The following LRRFIP2 variants were observed in gnomAD, a reference collection of about 807,000 sequenced individuals.
LRRFIP2 encodes the protein leucine-rich repeat flightless-interacting protein 2.
In LRRFIP2, 109 loss-of-function variants were observed where a neutral mutation model predicts 125.9. That is an observed-to-expected ratio of 0.87 (90% CI 0.74 to 1.01). The LOEUF (loss-of-function observed/expected upper bound fraction) is 1.01, where lower values mean the gene tolerates loss of function less well. Among genes scored for constraint, LRRFIP2 ranks in the 50% least tolerant of loss-of-function variants. The pLI, the probability that LRRFIP2 is intolerant of heterozygous loss-of-function variation, is 0.00. For missense variants in LRRFIP2, 850 were observed against 862.3 expected (o/e 0.99, Z 0.18); for synonymous variants, 291 against 293.1 (o/e 0.99, Z 0.07).
At chr3:37,063,192 A>C (rs2089241983) in intron 24 of LRRFIP2, among the ~76,000 whole-genome samples, 1 of 152,222 alleles carries the variant, frequency 6.6e-6, no homozygotes, top group Admixed American at 6.5e-5. Context: ...CTAGAATGCA[A>C]CCTGGCTCCA....
chr3:37,111,094 T>C, intron 8 of LRRFIP2, 29 bp from the exon 9 acceptor site: 1 of 1,586,252 alleles, frequency 6.3e-7, no homozygotes. Flanking sequence ...AACACATTTT[T>C]CTTAGGCTAA....
At chr3:37,089,344 A>C (rs935141952) in intron 18 of LRRFIP2, among the ~76,000 whole-genome samples, 32 of 152,198 alleles carry the variant, frequency 2.1e-4, no homozygotes, top group African/African-American at 6.8e-4. Flanking sequence ...CAGCATGGGC[A>C]AATGCTGTAT....
intron 1 of LRRFIP2, chr3:37,171,156 C>T (rs1560196242): frequency 6.6e-6 from 1 of 152,252 alleles, no homozygotes; most frequent in Non-Finnish European, 1.5e-5. Flanking sequence ...GGAGGTAGCA[C>T]TAAAAACTTG....
chr3:37,063,592 A>G (rs2089363918), intron 24 of LRRFIP2, 150 bp downstream of exon 24: 14 of 674,888 alleles, frequency 2.1e-5, no homozygotes, highest in Non-Finnish European at 3.5e-5. Context: ...AATAACAAAG[A>G]GGTAAAATAT....
chr3:37,091,592 A>AG, intron 17 of LRRFIP2, 54 bp from the exon 18 acceptor site: 2 of 1,241,740 alleles, frequency 1.6e-6, no homozygotes, highest in African/African-American at 1.5e-5. Flanking sequence ...ACGTATCTTA[A>AG]ATCGCAAAGG....
chr3:37,121,416 C>T (rs1317495826), intron 6 of LRRFIP2, 76 bp downstream of exon 6: 14 of 1,348,038 alleles, frequency 1.0e-5, no homozygotes, highest in Non-Finnish European at 1.5e-5. Context: ...GGAACATTGT[C>T]AGATTGTTTA....
intron 13 of LRRFIP2, 73 bp downstream of exon 13, chr3:37,107,999 AT>A: frequency 8.0e-7 from 1 of 1,243,446 alleles, no homozygotes; most frequent in Non-Finnish European, 1.2e-6. Context: ...TATCCTCAAT[AT>A]TCTAAACAGT....
chr3:37,120,115 T>G (rs1330152817), intron 6 of LRRFIP2, among the ~76,000 whole-genome samples: 1 of 150,718 alleles, frequency 6.6e-6, no homozygotes, highest in Non-Finnish European at 1.5e-5. Flanking sequence ...CTTTTTTTTT[T>G]TTTTTTTTTG....
At chr3:37,108,828 C>A in intron 11 of LRRFIP2, 144 bp from the exon 12 acceptor site, 4 of 570,772 alleles carry the variant, frequency 7.0e-6, no homozygotes, top group Non-Finnish European at 9.2e-6. Context: ...ACCCTGAAGG[C>A]GGTAATACTC....
intron 2 of LRRFIP2, among the ~76,000 whole-genome samples, chr3:37,141,745 C>T (rs187972109): frequency 2.0e-5 from 3 of 152,266 alleles, no homozygotes; most frequent in Non-Finnish European, 2.9e-5. Context: ...ATGCAGAAGG[C>T]GGCCACAGGT....
rs144470481 is a variant in LRRFIP2, at chr3:37,170,734, A to C, written c.-56+3805T>G. The C allele has an allele frequency of 1.6e-4, 25 of 152,352 alleles. No homozygotes were observed. The East Asian group carries it at 4.8e-3, about 29-fold the overall frequency. 9.4% of individuals were successfully genotyped at this position (152,352 alleles called of 1,614,324 possible). On this transcript the variant is annotated intron_variant, in intron 1 of 27. Coordinates refer to ENST00000336686, the MANE Select transcript of LRRFIP2 (RefSeq NM_006309.4). ...TCTCATATAACCAGAAGATAACATCAATGCTGGCACAATCCTATGCTCTTT... is the reference window on the plus strand; with the variant it reads ...TCTCATATAACCAGAAGATAACATCCATGCTGGCACAATCCTATGCTCTTT...
chr3:37,172,751 T>C lies in LRRFIP2; in HGVS notation c.-56+1788A>G, dbSNP rs375753994. Reference sequence around the variant, plus strand: ...TGACCTCCCCATCAAAATAAATGAATAATGAACTAATGAAGAAGTATAACA... The same window carrying C: ...TGACCTCCCCATCAAAATAAATGAACAATGAACTAATGAAGAAGTATAACA... On this transcript the variant is annotated intron_variant, in intron 1 of 27. Coordinates refer to ENST00000336686, the MANE Select transcript of LRRFIP2 (RefSeq NM_006309.4). The C allele has an allele frequency of 7.7e-4, 117 of 152,314 alleles. 2 individuals are homozygous for C. The highest frequency in any genetic ancestry group is 2.5e-3 in the African/African-American group (105 of 41,580). 9.4% of individuals were successfully genotyped at this position (152,314 alleles called of 1,614,324 possible). A position where few individuals can be genotyped will look rare whatever the true frequency, so the allele number is the denominator to read the frequency against.
At chr3:37,150,933 A>T (rs1475001041) in intron 1 of LRRFIP2, among the ~76,000 whole-genome samples, 1 of 152,230 alleles carries the variant, frequency 6.6e-6, no homozygotes. Context: ...TTCCCAACTT[A>T]TCTGACACCA....
At chr3:37,160,341 GT>G (rs1005590921) in intron 1 of LRRFIP2, among the ~76,000 whole-genome samples, 20 of 152,146 alleles carry the variant, frequency 1.3e-4, no homozygotes, top group Admixed American at 8.5e-4. Context: ...CAAGAAGTCT[GT>G]GAAAACCCAC....
chr3:37,059,956 C>T (rs1243686470), intron 24 of LRRFIP2, among the ~76,000 whole-genome samples: 2 of 152,134 alleles, frequency 1.3e-5, no homozygotes, highest in Non-Finnish European at 2.9e-5. Context: ...CTATACTTCC[C>T]AGGCACCTCT....
intron 11 of LRRFIP2, among the ~76,000 whole-genome samples, chr3:37,108,946 T>G (rs1197254398): frequency 6.6e-6 from 1 of 152,174 alleles, no homozygotes; most frequent in Non-Finnish European, 1.5e-5. Context: ...AGAATTAACG[T>G]GTACACATTT....
At chr3:37,173,508 G>A (rs114203414) in intron 1 of LRRFIP2, among the ~76,000 whole-genome samples, 3,503 of 152,256 alleles carry the variant, frequency 0.023, 62 homozygotes, top group Middle Eastern at 0.031. Flanking sequence ...ACTGAACAAA[G>A]TAGTACATTT....
intron 4 of LRRFIP2, 149 bp from the exon 5 acceptor site, chr3:37,121,840 TCGTG>T: frequency 8.3e-6 from 5 of 602,558 alleles, no homozygotes; most frequent in East Asian, 3.0e-5. Context: ...GCAGCCACAT[TCGTG>T]TGTGTGTGTG....
At chr3:37,153,195 G>A (rs945480160) in intron 1 of LRRFIP2, among the ~76,000 whole-genome samples, 3 of 152,008 alleles carry the variant, frequency 2.0e-5, no homozygotes, top group African/African-American at 7.3e-5. Context: ...ATAGGAGTTT[G>A]AGACCAGCCT....
Sources: allele counts gnomAD v4.1 joint callset (sites outside exome capture counted in the v4.1 genomes callset), GRCh38; gene constraint gnomAD v4.1.1; transcripts MANE v1.5; gene names NCBI Gene and HGNC (gene_info 2026-07-23, HGNC 2026-07-21).